SLC44A5: variants seen among roughly 807,000 people sequenced by gnomAD.
The protein encoded by SLC44A5 is choline transporter-like protein 5.
SLC44A5 carries 57 observed loss-of-function variants against 101.8 expected under a neutral mutation model. That is an observed-to-expected ratio of 0.56 (90% CI 0.45 to 0.70). The LOEUF is 0.70. SLC44A5 is among the 30% of genes least tolerant of loss of function. The probability of loss-of-function intolerance (pLI) is 0.00; values close to 1 mark genes in which losing one functional copy is unlikely to be tolerated. For missense variants in SLC44A5, 737 were observed against 853.1 expected (o/e 0.86, Z 1.70); for synonymous variants, 281 against 290.9 (o/e 0.97, Z 0.35).
At chr1:75,324,358 C>A (rs1019333901) in intron 4 of SLC44A5, among the ~76,000 whole-genome samples, 1 of 152,156 alleles carries the variant, frequency 6.6e-6, no homozygotes, top group African/African-American at 2.4e-5. Flanking sequence ...AGAAATAATT[C>A]TTTCAACTAT....
At chr1:75,490,491 T>C (rs931904149) in intron 2 of SLC44A5, among the ~76,000 whole-genome samples, 7 of 152,176 alleles carry the variant, frequency 4.6e-5, no homozygotes, top group African/African-American at 1.7e-4. Flanking sequence ...AGAAGAAATA[T>C]TTATAATTTA....
intron 2 of SLC44A5, among the ~76,000 whole-genome samples, chr1:75,444,648 G>C (rs1382505389): frequency 6.6e-6 from 1 of 151,844 alleles, no homozygotes; most frequent in African/African-American, 2.4e-5. Context: ...AAGCAACATG[G>C]TAGTGATAGA....
the SLC44A5 span, among the ~76,000 whole-genome samples, chr1:75,624,501 G>T: frequency 5.9e-5 from 9 of 152,112 alleles, no homozygotes; most frequent in Admixed American, 1.3e-4. Flanking sequence ...CACTAGAGGG[G>T]CTCTTCTCCA....
intron 2 of SLC44A5, among the ~76,000 whole-genome samples, chr1:75,472,230 G>A (rs759017258): frequency 5.5e-4 from 84 of 152,168 alleles, no homozygotes; most frequent in Admixed American, 1.4e-3. Context: ...GGTGAGTCAT[G>A]CAGGGGAAAG....
chr1:75,620,296 T>A, the SLC44A5 span, among the ~76,000 whole-genome samples: 6 of 152,172 alleles, frequency 3.9e-5, no homozygotes, highest in Admixed American at 3.9e-4. Flanking sequence ...TAAACATACA[T>A]GTGCATGTGT....
At chr1:75,342,269 G>A (rs1340666787) in intron 3 of SLC44A5, among the ~76,000 whole-genome samples, 1 of 152,148 alleles carries the variant, frequency 6.6e-6, no homozygotes, top group African/African-American at 2.4e-5. Flanking sequence ...ACTACCGTAA[G>A]TTCTTTACAT....
At chr1:75,263,577 C>T (rs1363794616) in intron 6 of SLC44A5, among the ~76,000 whole-genome samples, 1 of 152,266 alleles carries the variant, frequency 6.6e-6, no homozygotes, top group African/African-American at 2.4e-5. Context: ...TGTGGTGATT[C>T]CTCAAGGATC....
intron 1 of SLC44A5, among the ~76,000 whole-genome samples, chr1:75,545,403 T>G (rs936372412): frequency 5.3e-5 from 8 of 152,214 alleles, no homozygotes; most frequent in African/African-American, 1.9e-4. Context: ...AAATGGTATT[T>G]CTAGTTCTAG....
At chr1:75,543,185 C>G (rs1318100466) in intron 1 of SLC44A5, among the ~76,000 whole-genome samples, 1 of 152,136 alleles carries the variant, frequency 6.6e-6, no homozygotes, top group African/African-American at 2.4e-5. Flanking sequence ...ATACTCATAA[C>G]TGACAACTAA....
At chr1:75,561,359 CT>C (rs1672509649) in intron 1 of SLC44A5, among the ~76,000 whole-genome samples, 2 of 152,050 alleles carry the variant, frequency 1.3e-5, no homozygotes, top group East Asian at 1.9e-4. Flanking sequence ...CTTACCCTGA[CT>C]TTTTTTCATA....
At chr1:75,279,601 T>C (rs1046595962) in intron 5 of SLC44A5, among the ~76,000 whole-genome samples, 10 of 152,158 alleles carry the variant, frequency 6.6e-5, no homozygotes, top group African/African-American at 2.4e-4. Context: ...TAATGAATTA[T>C]TATATAGTTT....
intron 5 of SLC44A5, among the ~76,000 whole-genome samples, chr1:75,280,142 ATATATTGTATATAT>A (rs1448915959): frequency 0.016 from 3 of 192 alleles, no homozygotes; most frequent in South Asian, 0.25. Context: ...GTATATATAT[ATATATTGTATATAT>A]TATATATTGT....
chr1:75,682,960 C>G, the SLC44A5 span, among the ~76,000 whole-genome samples: 1 of 152,142 alleles, frequency 6.6e-6, no homozygotes, highest in Non-Finnish European at 1.5e-5. Flanking sequence ...TGAATAGACA[C>G]TTCTCAAAAG....
chr1:75,612,143 A>G (rs1478426657), upstream of SLC44A5, among the ~76,000 whole-genome samples: 3 of 152,166 alleles, frequency 2.0e-5, no homozygotes, highest in Non-Finnish European at 4.4e-5. Context: ...GCAAGAGAAA[A>G]TAACGTGAGT....
the SLC44A5 span, among the ~76,000 whole-genome samples, chr1:75,659,213 A>G: frequency 2.0e-4 from 31 of 151,426 alleles, no homozygotes; most frequent in Non-Finnish European, 4.0e-4. Flanking sequence ...ACTAATATTG[A>G]TTCTACTCAA....
At chr1:75,432,542 C>T (rs1461849135) in intron 2 of SLC44A5, among the ~76,000 whole-genome samples, 1 of 152,078 alleles carries the variant, frequency 6.6e-6, no homozygotes, top group Non-Finnish European at 1.5e-5. Flanking sequence ...ACATGATCAC[C>T]AATTGATGCC....
chr1:75,264,056 C>G (rs1557594356), intron 6 of SLC44A5, among the ~76,000 whole-genome samples: 1 of 149,934 alleles, frequency 6.7e-6, no homozygotes, highest in Non-Finnish European at 1.5e-5. Flanking sequence ...GTACAGCAAA[C>G]CACCATGGCA....
intron 2 of SLC44A5, among the ~76,000 whole-genome samples, chr1:75,441,225 T>C (rs1268899388): frequency 6.6e-6 from 1 of 152,096 alleles, no homozygotes; most frequent in Non-Finnish European, 1.5e-5. Flanking sequence ...GAAGTGTAAA[T>C]GACAATTTGT....
At position 75,279,982 on chromosome 1, in the gene SLC44A5, A is replaced by T. The variant is rs561558370; in HGVS notation, c.176-4940T>A. On this transcript the variant is annotated intron_variant, in intron 5 of 23. Coordinates refer to ENST00000370859, the MANE Select transcript of SLC44A5 (RefSeq NM_001130058.2). ...CATCCTCATAGCTTAGCTTCCATCTATAAGCGAGAATATACGATGTTTGGT... is the reference window on the plus strand; with the variant it reads ...CATCCTCATAGCTTAGCTTCCATCTTTAAGCGAGAATATACGATGTTTGGT... Among the ~76,000 whole-genome samples, 3 of 150,470 alleles carry T rather than the reference A, an allele frequency of 2.0e-5. No individual in the cohort carries two copies. In the East Asian group the frequency reaches 5.8e-4, roughly 29 times the overall value.
Sources: allele counts gnomAD v4.1 joint callset (sites outside exome capture counted in the v4.1 genomes callset), GRCh38; gene constraint gnomAD v4.1.1; transcripts MANE v1.5; gene names NCBI Gene and HGNC (gene_info 2026-07-23, HGNC 2026-07-21).